EFCAB6: variants seen among roughly 807,000 people sequenced by gnomAD.
EFCAB6 encodes the protein EF-hand calcium binding domain 6.
Under a neutral mutation model 169.8 loss-of-function variants are expected in EFCAB6, and 156 were observed. That is an observed-to-expected ratio of 0.92 (90% confidence interval 0.81 to 1.05). The LOEUF (loss-of-function observed/expected upper bound fraction) is 1.05, where lower values mean the gene tolerates loss of function less well. Ranked by LOEUF, EFCAB6 falls within the 50% of genes least tolerant of loss-of-function variation. EFCAB6 has a pLI of 0.00. For missense variants in EFCAB6, 1,800 were observed against 1,829.1 expected (o/e 0.98, Z 0.29); for synonymous variants, 698 against 676.4 (o/e 1.03, Z -0.50).
At chr22:43,771,146 T>C (rs1809660454) in intron 4 of EFCAB6, among the ~76,000 whole-genome samples, 1 of 152,086 alleles carries the variant, frequency 6.6e-6, no homozygotes, top group Non-Finnish European at 1.5e-5. Flanking sequence ...AACTAATGAA[T>C]GAGGCCAGGC....
At chr22:43,548,909 C>A (rs917932149) in intron 27 of EFCAB6, among the ~76,000 whole-genome samples, 13 of 152,088 alleles carry the variant, frequency 8.5e-5, no homozygotes, top group African/African-American at 3.1e-4. Context: ...CAAAGTATTT[C>A]TAAGAACTGA....
At chr22:43,784,355 C>A (rs2061933578) in intron 2 of EFCAB6, among the ~76,000 whole-genome samples, 1 of 151,022 alleles carries the variant, frequency 6.6e-6, no homozygotes, top group South Asian at 2.1e-4. Context: ...AAAAGGAATT[C>A]TTCAGAAAGG....
intron 8 of EFCAB6, among the ~76,000 whole-genome samples, chr22:43,721,614 GA>G (rs2059529476): frequency 6.6e-6 from 1 of 152,078 alleles, no homozygotes; most frequent in African/African-American, 2.4e-5. Context: ...TCCGATCTTT[GA>G]CAAGGCAGAC....
intron 20 of EFCAB6, 27 bp from the exon 21 acceptor site, chr22:43,615,949 CTG>C (rs753899077): frequency 6.3e-6 from 10 of 1,581,976 alleles, no homozygotes; most frequent in Admixed American, 1.7e-5. Flanking sequence ...TAATAAATAA[CTG>C]TGTTTAAATT....
chr22:43,632,263 T>C (rs1374538447), intron 18 of EFCAB6, 25 bp from the exon 19 acceptor site: 1 of 1,602,964 alleles, frequency 6.2e-7, no homozygotes, highest in South Asian at 1.1e-5. Context: ...AAGATCGGGG[T>C]TTCCATTAGT....
chr22:43,658,098 G>A (rs982114938), intron 17 of EFCAB6, among the ~76,000 whole-genome samples: 4 of 151,958 alleles, frequency 2.6e-5, no homozygotes, highest in Non-Finnish European at 2.9e-5. Flanking sequence ...GTATGGTGGC[G>A]GGGACCTGTA....
At chr22:43,775,687 A>C (rs995948020) in intron 3 of EFCAB6, among the ~76,000 whole-genome samples, 15 of 151,984 alleles carry the variant, frequency 9.9e-5, no homozygotes, top group Admixed American at 9.2e-4. Flanking sequence ...CAGGTGATCC[A>C]CCCGCCTCGG....
At chr22:43,747,906 C>T (rs1453901188) in intron 6 of EFCAB6, among the ~76,000 whole-genome samples, 1 of 152,178 alleles carries the variant, frequency 6.6e-6, no homozygotes, top group Non-Finnish European at 1.5e-5. Context: ...ACTTTATTCC[C>T]TAACTCCTCC....
At chr22:43,810,658 A>G (rs751354446) in intron 1 of EFCAB6, among the ~76,000 whole-genome samples, 8 of 152,230 alleles carry the variant, frequency 5.3e-5, no homozygotes, top group Non-Finnish European at 8.8e-5. Flanking sequence ...GGGAAGAGGT[A>G]GATAGCTGGA....
chr22:43,561,445 C>T (rs1002611982), intron 26 of EFCAB6, among the ~76,000 whole-genome samples: 1 of 152,116 alleles, frequency 6.6e-6, no homozygotes, highest in Non-Finnish European at 1.5e-5. Context: ...ACCCCGCCCC[C>T]CTCAGCCACC....
chr22:43,540,231 G>A lies in EFCAB6; in HGVS notation c.3775C>T (p.Gln1259Ter), dbSNP rs1988995222. The A allele has an allele frequency of 6.2e-7, 1 of 1,614,224 alleles. No homozygotes were observed. The change falls in exon 28 of 32, where the codon CAG becomes TAG. Residue 1259 changes from glutamine (Q) to a stop codon, truncating the protein, a stop_gained. Coordinates refer to ENST00000262726, the MANE Select transcript of EFCAB6 (RefSeq NM_022785.4). LOFTEE classifies it high-confidence loss of function. ...PMATGDSAVAQRGSSVPDVSE... is the reference protein window; with the variant it reads ...PMATGDSAVA ...ACGTCAGGGACACTGCTCCCTCTCT[G>A]GGCCACGGCCGAGTCACCAGTGGCC...
chr22:43,685,071 G>A (rs1024108247), intron 11 of EFCAB6, among the ~76,000 whole-genome samples: 1 of 152,198 alleles, frequency 6.6e-6, no homozygotes, highest in Non-Finnish European at 1.5e-5. Context: ...CAAATTCTAG[G>A]CAAGGGATTT....
intron 17 of EFCAB6, among the ~76,000 whole-genome samples, chr22:43,660,269 T>C (rs968326750): frequency 1.3e-5 from 2 of 152,222 alleles, no homozygotes; most frequent in African/African-American, 2.4e-5. Context: ...CGTGGGTCAC[T>C]GGCCCAAAGC....
At chr22:43,650,254 G>T (rs2148050292) in intron 17 of EFCAB6, among the ~76,000 whole-genome samples, 1 of 152,268 alleles carries the variant, frequency 6.6e-6, no homozygotes, top group East Asian at 1.9e-4. Flanking sequence ...GCACCTGGTG[G>T]GAGGTAATTG....
rs562641139 is a variant in EFCAB6 at position 43,632,182 on chromosome 22, T to C, written c.2155A>G (p.Ser719Gly). 3 of 1,614,182 alleles carry C rather than the reference T, an allele frequency of 1.9e-6. No homozygotes were observed. Among genetic ancestry groups the C allele is most frequent in the Non-Finnish European group, 2.5e-6 (3 of 1,180,032 alleles). The change falls in exon 19 of 32, where the codon AGT (serine) becomes GGT (glycine). Residue 719 changes from serine (S) to glycine (G), a missense_variant. Ser to Gly is a moderately conservative substitution (Grantham distance 56). Coordinates refer to ENST00000262726, the MANE Select transcript of EFCAB6 (RefSeq NM_022785.4). ...GTGATAAAGTGGCTGTTCACGTAAC[T>C]TTTTGAAGGAGTTGGAGGCTGCGGC... is the stretch of plus-strand genomic sequence containing the variant. Reference protein sequence around the residue: ...TPPQPPTPSKSYVNSHFITAE... With the variant: ...TPPQPPTPSKGYVNSHFITAE...
At chr22:43,810,191 T>C (rs1458725286) in intron 1 of EFCAB6, among the ~76,000 whole-genome samples, 2 of 152,206 alleles carry the variant, frequency 1.3e-5, no homozygotes, top group South Asian at 2.1e-4. Flanking sequence ...TACTTTTCCA[T>C]AGCCAACTTG....
At position 43,635,221 on chromosome 22, in the gene EFCAB6, C is replaced by G. The variant is rs189920237; in HGVS notation, c.1984-5G>C. 6.1e-4 allele frequency: 977 copies of G among 1,609,972 alleles called. 5 individuals carry two copies. Among genetic ancestry groups the G allele is most frequent in the Middle Eastern group, 4.5e-3 (27 of 6,050 alleles). On this transcript the variant is annotated splice_region_variant and splice_polypyrimidine_tract_variant and intron_variant, in intron 17 of 31. Transcript: ENST00000262726. ...CATCCCAGTGTCTTCCAGTACCTGA[C>G]GAGGGAGACAGGGGAGGGTGGAGAG...
At chr22:43,582,300 T>C (rs532779412) in intron 24 of EFCAB6, among the ~76,000 whole-genome samples, 1 of 152,098 alleles carries the variant, frequency 6.6e-6, no homozygotes, top group South Asian at 2.1e-4. Flanking sequence ...AAAAAACATA[T>C]AGGCATTTGA....
intron 10 of EFCAB6, among the ~76,000 whole-genome samples, chr22:43,688,334 T>C (rs1277256864): frequency 1.3e-5 from 2 of 152,166 alleles, no homozygotes; most frequent in Admixed American, 6.5e-5. Context: ...AGATAATACA[T>C]GTGTTGTTAT....
Sources: gnomAD v4.1 joint callset for allele counts (sites outside exome capture counted in the v4.1 genomes callset) on GRCh38, gnomAD v4.1.1 for gene constraint, MANE v1.5 for transcripts, NCBI Gene and HGNC (gene_info 2026-07-23, HGNC 2026-07-21) for gene names.